Variants in TMEM232 observed in about 807,000 individuals in gnomAD.
TMEM232 encodes the protein transmembrane protein 232.
In TMEM232, 80 loss-of-function variants were observed where a neutral mutation model predicts 78.8. The ratio of observed to expected loss-of-function variants is 1.01; its 90% CI spans 0.85 to 1.22. The LOEUF is 1.22. Among genes scored for constraint, TMEM232 ranks in the 50% most tolerant of loss-of-function variants. TMEM232 has a pLI of 0.00. For missense variants in TMEM232, 881 were observed against 742.2 expected, an observed-to-expected ratio of 1.19 and a Z score of -2.17; for synonymous variants, 297 against 254.3, an observed-to-expected ratio of 1.17 and a Z score of -1.60.
rs549379637 is a variant in TMEM232, at chr5:110,677,053, G to A, written c.-12-9689C>T. Among the ~76,000 whole-genome samples, 58 of 152,200 alleles carry A rather than the reference G, an allele frequency of 3.8e-4. No homozygotes were observed. The South Asian group carries it at 0.011, about 29-fold the overall frequency. On this transcript the variant is annotated intron_variant, in intron 1 of 13. Coordinates refer to ENST00000455884, the MANE Select transcript of TMEM232 (RefSeq NM_001039763.4). ...TGGGATTACAGGCGTGAGCCACCGC[G>A]CCCTGCCTCATTGCTTGTGTAATAG...
At chr5:110,471,176 G>C (rs535269714) in intron 12 of TMEM232, among the ~76,000 whole-genome samples, 1 of 152,072 alleles carries the variant, frequency 6.6e-6, no homozygotes, top group Non-Finnish European at 1.5e-5. Flanking sequence ...TGAACTTGAA[G>C]ACTGGTCATT....
intron 2 of TMEM232, among the ~76,000 whole-genome samples, chr5:110,644,592 A>G (rs150303510): frequency 2.0e-5 from 3 of 151,858 alleles, no homozygotes; most frequent in East Asian, 3.9e-4. Context: ...CACTTTACCA[A>G]AACTTCTGGG....
intron 2 of TMEM232, among the ~76,000 whole-genome samples, chr5:110,664,460 C>A (rs1459046447): frequency 6.6e-6 from 1 of 152,150 alleles, no homozygotes; most frequent in Non-Finnish European, 1.5e-5. Context: ...GGAATGATAT[C>A]TGCCACAATT....
At chr5:110,602,978 C>T (rs544228836) in intron 10 of TMEM232, among the ~76,000 whole-genome samples, 1 of 152,124 alleles carries the variant, frequency 6.6e-6, no homozygotes, top group Non-Finnish European at 1.5e-5. Flanking sequence ...GGAATGAGTT[C>T]ATGTCCTTTG....
At chr5:110,388,228 C>T (rs1352848576) in intron 4 of TMEM232, among the ~76,000 whole-genome samples, 1 of 152,106 alleles carries the variant, frequency 6.6e-6, no homozygotes, top group Non-Finnish European at 1.5e-5. Context: ...ATAGAATGTA[C>T]TGGGAAGGCT....
intron 12 of TMEM232, among the ~76,000 whole-genome samples, chr5:110,476,088 G>GT (rs913186459): frequency 4.0e-5 from 6 of 151,716 alleles, no homozygotes; most frequent in East Asian, 1.9e-4. Context: ...GAATTCTTTA[G>GT]TTTTTTTAAT....
intron 1 of TMEM232, among the ~76,000 whole-genome samples, chr5:110,713,208 A>C (rs1303516772): frequency 1.3e-5 from 2 of 152,128 alleles, no homozygotes; most frequent in East Asian, 3.8e-4. Context: ...AAAACAGTTG[A>C]ACTCATGGAG....
intron 1 of TMEM232, among the ~76,000 whole-genome samples, chr5:110,683,748 G>A (rs1033944399): frequency 6.6e-6 from 1 of 151,750 alleles, no homozygotes; most frequent in African/African-American, 2.4e-5. Context: ...GTATGGGAAA[G>A]GGTACTTATT....
At chr5:110,404,737 C>A (rs548326804) in intron 2 of TMEM232, among the ~76,000 whole-genome samples, 1 of 152,114 alleles carries the variant, frequency 6.6e-6, no homozygotes, top group Non-Finnish European at 1.5e-5. Context: ...TATAATAAAG[C>A]CTTGATGAAC....
intron 1 of TMEM232, among the ~76,000 whole-genome samples, chr5:110,700,005 T>C (rs1795245525): frequency 6.6e-6 from 1 of 152,098 alleles, no homozygotes; most frequent in South Asian, 2.1e-4. Context: ...TTAATTTATA[T>C]GCTGGCATCT....
chr5:110,693,789 A>G (rs1794428134), intron 1 of TMEM232, among the ~76,000 whole-genome samples: 1 of 152,200 alleles, frequency 6.6e-6, no homozygotes, highest in African/African-American at 2.4e-5. Context: ...AGCCTCCAAG[A>G]AATATGGGAC....
intron 12 of TMEM232, among the ~76,000 whole-genome samples, chr5:110,501,360 AG>A (rs1199147682): frequency 6.6e-6 from 1 of 152,060 alleles, no homozygotes; most frequent in Middle Eastern, 3.2e-3. Flanking sequence ...AGAGAAAAGT[AG>A]AATGTAAATA....
chr5:110,561,258 G>A (rs1581218073), intron 11 of TMEM232, among the ~76,000 whole-genome samples: 1 of 152,100 alleles, frequency 6.6e-6, no homozygotes, highest in African/African-American at 2.4e-5. Context: ...TTGAATTCAA[G>A]CACTGCAGAT....
chr5:110,715,293 C>A (rs908083803), intron 1 of TMEM232, among the ~76,000 whole-genome samples: 6 of 151,384 alleles, frequency 4.0e-5, no homozygotes, highest in Admixed American at 2.0e-4. Context: ...TGAAAAAAAA[C>A]CATAGGCTGA....
At chr5:110,729,231 T>C (rs947559615), upstream of TMEM232, among the ~76,000 whole-genome samples, 5 of 152,190 alleles carry the variant, frequency 3.3e-5, no homozygotes, top group Admixed American at 6.5e-5. Context: ...TGTAATCAAT[T>C]AAAAAATATT....
chr5:110,698,407 C>A (rs1343319814), intron 1 of TMEM232, among the ~76,000 whole-genome samples: 1 of 151,962 alleles, frequency 6.6e-6, no homozygotes, highest in Non-Finnish European at 1.5e-5. Flanking sequence ...GCACATTGTG[C>A]ACACGTACCC....
chr5:110,652,330 G>T (rs908231443), intron 2 of TMEM232, among the ~76,000 whole-genome samples: 1 of 35,368 alleles, frequency 2.8e-5, no homozygotes, highest in Admixed American at 3.0e-4. Flanking sequence ...ACTATCCAGG[G>T]TTTCAAATAC....
chr5:110,728,806 T>C (rs948704727), upstream of TMEM232, among the ~76,000 whole-genome samples: 1 of 150,516 alleles, frequency 6.6e-6, no homozygotes, highest in Non-Finnish European at 1.5e-5. Context: ...GGCACAATTA[T>C]GCTTTCAGAA....
intron 1 of TMEM232, among the ~76,000 whole-genome samples, chr5:110,684,143 AGC>A (rs1793099404): frequency 6.6e-6 from 1 of 152,056 alleles, no homozygotes; most frequent in Non-Finnish European, 1.5e-5. Context: ...TTATCTTAAA[AGC>A]CAGAAACCAT....
Sources: allele counts gnomAD v4.1 joint callset (sites outside exome capture counted in the v4.1 genomes callset), GRCh38; gene constraint gnomAD v4.1.1; transcripts MANE v1.5; gene names NCBI Gene and HGNC (gene_info 2026-07-23, HGNC 2026-07-21).